The following TAS2R1 variants were observed in gnomAD, a reference collection of about 807,000 sequenced individuals.
TAS2R1 encodes taste 2 receptor member 1.
For synonymous variants in TAS2R1, 141 were observed against 134.2 expected (o/e 1.05, Z -0.35); for missense variants, 370 against 353.4 (o/e 1.05, Z -0.38).
chr5:9,828,727 T>G, the TAS2R1 span, among the ~76,000 whole-genome samples: 1 of 152,236 alleles, frequency 6.6e-6, no homozygotes, highest in Non-Finnish European at 1.5e-5. Context: ...GATAACTTAT[T>G]CTGAATGATA....
At chr5:9,851,948 A>T in the TAS2R1 span, among the ~76,000 whole-genome samples, 1 of 152,198 alleles carries the variant, frequency 6.6e-6, no homozygotes, top group Non-Finnish European at 1.5e-5. Context: ...TAGAGGCTTG[A>T]CTAGGGATTA....
At chr5:9,883,008 A>C in the TAS2R1 span, among the ~76,000 whole-genome samples, 1 of 152,350 alleles carries the variant, frequency 6.6e-6, no homozygotes, top group African/African-American at 2.4e-5. Flanking sequence ...AGATAAAGAA[A>C]GTATGGTACA....
the TAS2R1 span, among the ~76,000 whole-genome samples, chr5:9,771,803 C>A: frequency 6.6e-6 from 1 of 152,030 alleles, no homozygotes; most frequent in African/African-American, 2.4e-5. Context: ...CATATAGTTG[C>A]TCACAGTAGC....
the TAS2R1 span, among the ~76,000 whole-genome samples, chr5:9,823,617 G>A: frequency 4.5e-5 from 6 of 133,122 alleles, no homozygotes; most frequent in South Asian, 2.7e-4. Context: ...CAGGAGGGGA[G>A]GAGAGGGAAA....
the TAS2R1 span, among the ~76,000 whole-genome samples, chr5:9,896,439 G>C: frequency 6.6e-6 from 1 of 152,112 alleles, no homozygotes; most frequent in Non-Finnish European, 1.5e-5. Flanking sequence ...GGTCAGTTTA[G>C]AAAACGTATC....
In TAS2R1 at chr5:9,627,927, G is replaced by A. The variant is rs1206827163; in HGVS notation, c.*1206C>T. ...ATTGGTGTATTATAACCAGGCCTGC[G>A]TGGCTTGGGTTAGAAAAGCTGTATT... On this transcript the variant is annotated 3_prime_UTR_variant, in exon 1 of 1. Transcript: ENST00000382492. Among the ~76,000 whole-genome samples, 2 of 152,204 alleles carry A rather than the reference G, an allele frequency of 1.3e-5. No individual in the cohort carries two copies. Among genetic ancestry groups the A allele is most frequent in the Admixed American group, 6.5e-5 (1 of 15,284 alleles).
the TAS2R1 span, among the ~76,000 whole-genome samples, chr5:9,900,941 A>T: frequency 3.3e-5 from 5 of 152,226 alleles, no homozygotes; most frequent in Non-Finnish European, 5.9e-5. Context: ...CAGCCGCAAC[A>T]GAGCAGTTGA....
the TAS2R1 span, among the ~76,000 whole-genome samples, chr5:9,718,710 C>T: frequency 6.6e-6 from 1 of 152,170 alleles, no homozygotes; most frequent in African/African-American, 2.4e-5. Context: ...AATTACACCA[C>T]CCATGTGAAG....
At chr5:9,769,254 CT>C in the TAS2R1 span, among the ~76,000 whole-genome samples, 847 of 152,184 alleles carry the variant, frequency 5.6e-3, 17 homozygotes, top group Admixed American at 0.042. Flanking sequence ...GGATCTCATT[CT>C]TTTTTTATGG....
Position 9,628,581 on chromosome 5 carries a change from G to A in TAS2R1, c.*552C>T, listed in dbSNP as rs576171281. Among the ~76,000 whole-genome samples, 1 of 152,224 alleles carries A rather than the reference G, an allele frequency of 6.6e-6. No homozygotes were observed. The highest frequency in any genetic ancestry group is 2.4e-5 in the African/African-American group (1 of 41,528). ...GTCCTTGCTTCCTTTGTGATCTGAGGAGAAAGAATGGCTCCACTGCCTGCA... is the reference window on the plus strand; with the variant it reads ...GTCCTTGCTTCCTTTGTGATCTGAGAAGAAAGAATGGCTCCACTGCCTGCA... On this transcript the variant is annotated 3_prime_UTR_variant, in exon 1 of 1. Transcript: ENST00000382492.
intron 1 of TAS2R1, among the ~76,000 whole-genome samples, chr5:9,692,674 A>G (rs77609111): frequency 3.3e-5 from 5 of 152,214 alleles, no homozygotes; most frequent in Non-Finnish European, 4.4e-5. Context: ...TCTTCATGAC[A>G]TAATGAGAAG....
At chr5:9,783,312 A>G in the TAS2R1 span, among the ~76,000 whole-genome samples, 2 of 152,246 alleles carry the variant, frequency 1.3e-5, no homozygotes, top group African/African-American at 4.8e-5. Context: ...GAAAGGCAGT[A>G]ACATCAACAG....
the TAS2R1 span, among the ~76,000 whole-genome samples, chr5:9,875,889 A>G: frequency 6.6e-6 from 1 of 152,196 alleles, no homozygotes; most frequent in Non-Finnish European, 1.5e-5. Context: ...AAAGGGTTTA[A>G]TCTCTTAGGT....
chr5:9,778,038 G>A, the TAS2R1 span, among the ~76,000 whole-genome samples: 3 of 152,018 alleles, frequency 2.0e-5, no homozygotes, highest in Admixed American at 6.5e-5. Context: ...CCGCCACCGC[G>A]CCCGGCTAAT....
At chr5:9,673,491 T>C (rs1275187458) in intron 1 of TAS2R1, among the ~76,000 whole-genome samples, 1 of 152,072 alleles carries the variant, frequency 6.6e-6, no homozygotes, top group Non-Finnish European at 1.5e-5. Context: ...AATCATCACA[T>C]ATTTGTATCT....
intron 1 of TAS2R1, among the ~76,000 whole-genome samples, chr5:9,697,664 T>C (rs1741387173): frequency 6.6e-6 from 1 of 152,140 alleles, no homozygotes; most frequent in Non-Finnish European, 1.5e-5. Context: ...AAACTAAGAA[T>C]CCTTCTATTT....
At chr5:9,676,870 A>G (rs374676462) in intron 1 of TAS2R1, among the ~76,000 whole-genome samples, 149 of 152,326 alleles carry the variant, frequency 9.8e-4, no homozygotes, top group African/African-American at 2.8e-3. Flanking sequence ...GACTAAAACA[A>G]GAAATACCAT....
the TAS2R1 span, among the ~76,000 whole-genome samples, chr5:9,739,287 T>G: frequency 6.6e-6 from 1 of 152,206 alleles, no homozygotes; most frequent in Non-Finnish European, 1.5e-5. Flanking sequence ...GCGTGCTGGC[T>G]TATCTGGTCC....
At chr5:9,647,988 C>T (rs1186010029) in intron 2 of TAS2R1, among the ~76,000 whole-genome samples, 1 of 152,108 alleles carries the variant, frequency 6.6e-6, no homozygotes, top group Admixed American at 6.6e-5. Context: ...AAGCTTACTT[C>T]CTCCTAAGAA....
Sources: gnomAD v4.1 joint callset for allele counts (sites outside exome capture counted in the v4.1 genomes callset) on GRCh38, gnomAD v4.1.1 for gene constraint, MANE v1.5 for transcripts, NCBI Gene and HGNC (gene_info 2026-07-23, HGNC 2026-07-21) for gene names.